Variants in SNAPC3 observed in about 807,000 individuals in gnomAD.
SNAPC3 encodes small nuclear RNA activating complex polypeptide 3, also known as snRNA-activating protein complex subunit 3.
In SNAPC3, 56 loss-of-function variants were observed where a neutral mutation model predicts 47.7. The ratio of observed to expected loss-of-function variants is 1.18; its 90% CI spans 0.95 to 1.47. SNAPC3 has a LOEUF of 1.47. Among genes scored for constraint, SNAPC3 ranks in the 40% most tolerant of loss-of-function variants. The probability of loss-of-function intolerance (pLI) is 0.00; values close to 1 mark genes in which losing one functional copy is unlikely to be tolerated. For missense variants in SNAPC3, 665 were observed against 511.3 expected (o/e 1.30, Z -2.90); for synonymous variants, 235 against 189.9 (o/e 1.24, Z -1.95).
intron 3 of SNAPC3, among the ~76,000 whole-genome samples, chr9:15,435,057 C>T (rs538688383): frequency 1.3e-5 from 2 of 152,118 alleles, no homozygotes; most frequent in Non-Finnish European, 2.9e-5. Flanking sequence ...CCAATTTCTC[C>T]ATGTACTTGT....
intron 3 of SNAPC3, among the ~76,000 whole-genome samples, chr9:15,444,189 T>G (rs185434563): frequency 4.4e-4 from 67 of 152,338 alleles, no homozygotes; most frequent in African/African-American, 1.4e-3. Context: ...GCGTCCTAAC[T>G]CTGGTATGAC....
In SNAPC3 at chr9:15,460,207, G is replaced by A. The variant is rs1194537738; in HGVS notation, c.*341G>A. 6.1e-6 allele frequency: 1 copy of A among 163,688 alleles called. No homozygotes were observed. Among genetic ancestry groups the A allele is most frequent in the Non-Finnish European group, 1.3e-5 (1 of 76,170 alleles). The allele number at this position is 163,688 out of a possible 1,614,324, so 10.1% of individuals were successfully genotyped here. ...CTTCCCTATTCATTCTCTGTCCAGA[G>A]TTTTTTGCTAAAGATAGAATTATTA... is the stretch of plus-strand genomic sequence containing the variant. On this transcript the variant is annotated 3_prime_UTR_variant, in exon 9 of 9. Transcript: ENST00000380821.
intron 5 of SNAPC3, among the ~76,000 whole-genome samples, chr9:15,450,763 A>C (rs1474764613): frequency 6.6e-6 from 1 of 152,202 alleles, no homozygotes; most frequent in Non-Finnish European, 1.5e-5. Flanking sequence ...TTGATTTTGC[A>C]GTCAGGATTG....
intron 2 of SNAPC3, among the ~76,000 whole-genome samples, chr9:15,429,672 A>G (rs2031890245): frequency 6.6e-6 from 1 of 152,226 alleles, no homozygotes; most frequent in African/African-American, 2.4e-5. Flanking sequence ...AATTTCTAAA[A>G]ATTAAATGGA....
At chr9:15,443,943 T>C (rs1332627417) in intron 3 of SNAPC3, among the ~76,000 whole-genome samples, 2 of 152,202 alleles carry the variant, frequency 1.3e-5, no homozygotes, top group Admixed American at 6.5e-5. Context: ...CCAAATAGTT[T>C]ATTCCAGTCT....
intron 2 of SNAPC3, among the ~76,000 whole-genome samples, chr9:15,426,971 T>A (rs1187789546): frequency 2.6e-5 from 4 of 152,238 alleles, no homozygotes; most frequent in African/African-American, 9.6e-5. Context: ...ATCTCTATGC[T>A]TTATCTTTCT....
chr9:15,437,342 C>T (rs146873791), intron 3 of SNAPC3, among the ~76,000 whole-genome samples: 5 of 152,196 alleles, frequency 3.3e-5, no homozygotes, highest in African/African-American at 1.2e-4. Flanking sequence ...AAGTGATTCT[C>T]ATGCCTCAGC....
chr9:15,423,132 G>C lies in SNAPC3; in HGVS notation c.253G>C (p.Ala85Pro), dbSNP rs752380082. 5 of 1,558,168 alleles carry C rather than the reference G, an allele frequency of 3.2e-6. No homozygotes were observed. In the African/African-American group the frequency reaches 5.6e-5, roughly 18 times the overall value. ...AGCTGACTCCGACCGGGAGGATGCC[G>C]CGGTGGCCAGGGATCTGGACTGCAG... The part of the protein sequence containing the change: ...QAADSDREDA[A>P]VARDLDCSLE... The change falls in exon 1 of 9, where the codon GCG becomes CCG. Residue 85 changes from alanine (A) to proline (P), a missense_variant. Physicochemically the swap from Ala to Pro is conservative, Grantham distance 27. Coordinates refer to ENST00000380821, the MANE Select transcript of SNAPC3 (RefSeq NM_001039697.2).
chr9:15,438,052 CTCTGGTATTAATTCTT>C (rs1314671874), intron 3 of SNAPC3, among the ~76,000 whole-genome samples: 6 of 152,156 alleles, frequency 3.9e-5, no homozygotes, highest in Non-Finnish European at 7.4e-5. Flanking sequence ...GTTTGAGAAA[CTCTGGTATTAATTCTT>C]TTAATGTTTG....
chr9:15,439,272 T>A (rs1437486957), intron 3 of SNAPC3, among the ~76,000 whole-genome samples: 4 of 152,208 alleles, frequency 2.6e-5, no homozygotes, highest in Non-Finnish European at 4.4e-5. Context: ...TGGTCTCCCA[T>A]GCTTCTTATG....
In SNAPC3 at chr9:15,443,705, C is replaced by G. The variant is rs541428298; in HGVS notation, c.478-897C>G. ...GGACCAGGCACTCGGCATCACCAGA[C>G]CAACCAAAACATAAAATCCTCAGTT... is the stretch of plus-strand genomic sequence containing the variant. On this transcript the variant is annotated intron_variant, in intron 3 of 8. Coordinates refer to ENST00000380821, the MANE Select transcript of SNAPC3 (RefSeq NM_001039697.2). Among the ~76,000 whole-genome samples the G allele has an allele frequency of 6.6e-5, 10 of 152,260 alleles. No individual in the cohort carries two copies. In the South Asian group the frequency reaches 2.1e-3, roughly 32 times the overall value.
At chr9:15,425,104 A>G (rs561921754) in intron 2 of SNAPC3, among the ~76,000 whole-genome samples, 47 of 152,342 alleles carry the variant, frequency 3.1e-4, no homozygotes, top group Non-Finnish European at 6.6e-4. Context: ...GAAGCCTTCC[A>G]CATATATCCC....
chr9:15,424,603 G>T (rs1168559392), intron 2 of SNAPC3, among the ~76,000 whole-genome samples: 1 of 152,104 alleles, frequency 6.6e-6, no homozygotes, highest in East Asian at 1.9e-4. Context: ...AATGATAATG[G>T]AAGTTTCTAA....
intron 2 of SNAPC3, among the ~76,000 whole-genome samples, chr9:15,428,610 G>C (rs2031758411): frequency 6.6e-6 from 1 of 151,664 alleles, no homozygotes; most frequent in Admixed American, 6.6e-5. Context: ...CCTTGGCTTA[G>C]AATTTTTAAA....
intron 5 of SNAPC3, among the ~76,000 whole-genome samples, chr9:15,450,121 A>G (rs190247976): frequency 6.6e-6 from 1 of 152,230 alleles, no homozygotes; most frequent in African/African-American, 2.4e-5. Context: ...CAGATTTTGT[A>G]TTGTAGCAGC....
chr9:15,440,888 G>A (rs1027020436), intron 3 of SNAPC3, among the ~76,000 whole-genome samples: 1 of 149,520 alleles, frequency 6.7e-6, no homozygotes, highest in Admixed American at 6.7e-5. Flanking sequence ...GGCGGAGCTT[G>A]CAGTGAGCCG....
downstream of SNAPC3, chr9:15,462,029 C>A (rs1234166486): frequency 6.6e-6 from 1 of 152,150 alleles, no homozygotes; most frequent in African/African-American, 2.4e-5. Context: ...CCTTTATTTT[C>A]AATACTGCGT....
intron 7 of SNAPC3, among the ~76,000 whole-genome samples, chr9:15,457,285 T>C (rs2034866665): frequency 1.3e-5 from 2 of 152,026 alleles, no homozygotes; most frequent in African/African-American, 4.8e-5. Flanking sequence ...TTGCCCAAAT[T>C]ATGTTTCATT....
At chr9:15,454,005 G>C (rs954132382) in intron 7 of SNAPC3, among the ~76,000 whole-genome samples, 10 of 152,134 alleles carry the variant, frequency 6.6e-5, no homozygotes, top group African/African-American at 2.4e-4. Context: ...TTGGGAGACT[G>C]AAGTGGGCAA....
Sources: gnomAD v4.1 joint callset for allele counts (sites outside exome capture counted in the v4.1 genomes callset) on GRCh38, gnomAD v4.1.1 for gene constraint, MANE v1.5 for transcripts, NCBI Gene and HGNC (gene_info 2026-07-23, HGNC 2026-07-21) for gene names.